Variants in TSPAN12 observed in about 807,000 individuals in gnomAD.
TSPAN12 encodes tetraspanin-12.
In TSPAN12, 19 loss-of-function variants were observed where a neutral mutation model predicts 39.2. That is an observed-to-expected ratio of 0.49 (90% CI 0.34 to 0.71). The LOEUF is 0.71. TSPAN12 is among the 30% of genes least tolerant of loss of function. TSPAN12 has a pLI of 0.01. For synonymous variants in TSPAN12, 119 were observed against 124.8 expected (o/e 0.95, Z 0.31); for missense variants, 314 against 359.9 (o/e 0.87, Z 1.03).
chr7:120,800,091 A>G (rs1214553403), intron 7 of TSPAN12, among the ~76,000 whole-genome samples: 1 of 151,990 alleles, frequency 6.6e-6, no homozygotes, highest in Non-Finnish European at 1.5e-5. Context: ...CCCAGAAAAA[A>G]TAATATTGGT....
intron 4 of TSPAN12, among the ~76,000 whole-genome samples, chr7:120,837,564 G>A (rs536928584): frequency 4.5e-4 from 68 of 152,046 alleles, no homozygotes; most frequent in South Asian, 1.9e-3. Flanking sequence ...TGCCTGCCTC[G>A]GCCTCCCAAA....
At chr7:120,803,726 TG>T (rs1461523665) in intron 7 of TSPAN12, among the ~76,000 whole-genome samples, 1 of 152,186 alleles carries the variant, frequency 6.6e-6, no homozygotes, top group Admixed American at 6.5e-5. Context: ...GATAAAAATA[TG>T]AACAAATTTC....
chr7:120,793,292 G>T (rs1258168781), intron 7 of TSPAN12, among the ~76,000 whole-genome samples: 1 of 152,194 alleles, frequency 6.6e-6, no homozygotes, highest in Non-Finnish European at 1.5e-5. Context: ...GACAATCAAG[G>T]TTATTGAAAA....
At chr7:120,799,109 G>A (rs530721670) in intron 7 of TSPAN12, among the ~76,000 whole-genome samples, 94 of 152,178 alleles carry the variant, frequency 6.2e-4, no homozygotes, top group African/African-American at 2.2e-3. Flanking sequence ...GTACCTAGCT[G>A]GAGGTCTAAG....
At chr7:120,818,323 A>G (rs1794123940) in intron 4 of TSPAN12, among the ~76,000 whole-genome samples, 1 of 152,110 alleles carries the variant, frequency 6.6e-6, no homozygotes, top group African/African-American at 2.4e-5. Context: ...TCTAATGTAC[A>G]TTATAAAAAC....
intron 2 of TSPAN12, among the ~76,000 whole-genome samples, chr7:120,851,232 G>A (rs1794763680): frequency 6.6e-6 from 1 of 152,244 alleles, no homozygotes; most frequent in South Asian, 2.1e-4. Context: ...AAACACTTAA[G>A]GTTCACTACG....
Position 120,788,991 on chromosome 7 carries a change from A to C in TSPAN12, c.613-94T>G. 3.1e-6 allele frequency: 4 copies of C among 1,270,688 alleles called. No individual in the cohort carries two copies. The South Asian group carries it at 4.9e-5, about 16-fold the overall frequency. The allele number at this position is 1,270,688 out of a possible 1,614,324, so 78.7% of individuals were successfully genotyped here. On this transcript the variant is annotated intron_variant, in intron 7 of 7. Transcript: ENST00000222747. ...GCAAACAATCTGTATCAGTTAATGA[A>C]ATCAGACTAACTGGGATCATAAAGT...
At chr7:120,791,500 T>C (rs114751547) in intron 7 of TSPAN12, among the ~76,000 whole-genome samples, 233 of 152,328 alleles carry the variant, frequency 1.5e-3, no homozygotes, top group African/African-American at 5.1e-3. Flanking sequence ...TTCAACTCTG[T>C]GAAATGCTGT....
At chr7:120,818,916 C>T (rs1794135417) in intron 4 of TSPAN12, among the ~76,000 whole-genome samples, 1 of 152,088 alleles carries the variant, frequency 6.6e-6, no homozygotes, top group Admixed American at 6.6e-5. Flanking sequence ...TTTTATCCGA[C>T]CTTTCTTTAA....
intron 2 of TSPAN12, among the ~76,000 whole-genome samples, chr7:120,849,097 T>C (rs1282927747): frequency 1.3e-5 from 2 of 152,254 alleles, no homozygotes; most frequent in African/African-American, 4.8e-5. Flanking sequence ...CTAGGTTTTA[T>C]AGCTCCTTTT....
intron 4 of TSPAN12, among the ~76,000 whole-genome samples, chr7:120,828,412 C>A (rs1794328874): frequency 6.6e-6 from 1 of 152,162 alleles, no homozygotes; most frequent in South Asian, 2.1e-4. Context: ...TACACATATA[C>A]CCTAAGACAT....
intron 2 of TSPAN12, among the ~76,000 whole-genome samples, chr7:120,841,405 GA>G (rs199836973): frequency 1.3e-3 from 198 of 148,196 alleles, no homozygotes; most frequent in African/African-American, 4.2e-3. Context: ...TTCTTGAATT[GA>G]AAAAAAAAAT....
intron 7 of TSPAN12, among the ~76,000 whole-genome samples, chr7:120,797,920 TCAACTCATTCTCTACAATGC>T (rs1444701379): frequency 6.6e-6 from 1 of 152,212 alleles, no homozygotes; most frequent in African/African-American, 2.4e-5. Context: ...TTTCCCCACC[TCAACTCATTCTCTACAATGC>T]CAATAGCATG....
At chr7:120,796,939 A>C (rs1465942554) in intron 7 of TSPAN12, among the ~76,000 whole-genome samples, 2 of 152,172 alleles carry the variant, frequency 1.3e-5, no homozygotes, top group African/African-American at 4.8e-5. Flanking sequence ...GCGGATCACG[A>C]GGTCAGGAGA....
intron 7 of TSPAN12, among the ~76,000 whole-genome samples, chr7:120,791,560 T>C (rs1409316878): frequency 6.6e-6 from 1 of 152,200 alleles, no homozygotes; most frequent in Non-Finnish European, 1.5e-5. Flanking sequence ...GGGCTTAAAT[T>C]GTATCTATAT....
intron 2 of TSPAN12, among the ~76,000 whole-genome samples, chr7:120,852,898 G>A (rs544711895): frequency 6.6e-6 from 1 of 152,110 alleles, no homozygotes; most frequent in Non-Finnish European, 1.5e-5. Flanking sequence ...CTATTTTATG[G>A]GTCTATTATG....
chr7:120,829,905 C>G (rs1420169772), intron 4 of TSPAN12, among the ~76,000 whole-genome samples: 1 of 152,104 alleles, frequency 6.6e-6, no homozygotes, highest in Non-Finnish European at 1.5e-5. Context: ...ATTTCAAACC[C>G]TGAAGAAAGA....
chr7:120,820,940 T>C (rs1377606040), intron 4 of TSPAN12, among the ~76,000 whole-genome samples: 1 of 152,126 alleles, frequency 6.6e-6, no homozygotes, highest in African/African-American at 2.4e-5. Context: ...GATTATGCTA[T>C]AATAATCCAG....
chr7:120,834,683 C>T (rs1047990114), intron 4 of TSPAN12, among the ~76,000 whole-genome samples: 3 of 152,078 alleles, frequency 2.0e-5, no homozygotes, highest in African/African-American at 7.2e-5. Flanking sequence ...TTTTACAGCT[C>T]TTAAAAGTAA....
Sources: gnomAD v4.1 joint callset for allele counts (sites outside exome capture counted in the v4.1 genomes callset) on GRCh38, gnomAD v4.1.1 for gene constraint, MANE v1.5 for transcripts, NCBI Gene and HGNC (gene_info 2026-07-23, HGNC 2026-07-21) for gene names.